ZMYND8: variants seen among roughly 807,000 people sequenced by gnomAD.
The protein encoded by ZMYND8 is MYND-type zinc finger-containing chromatin reader ZMYND8.
Under a neutral mutation model 140.8 loss-of-function variants are expected in ZMYND8, and 37 were observed. That is an observed-to-expected ratio of 0.26 (90% CI 0.20 to 0.35). The LOEUF is 0.35. Among genes scored for constraint, ZMYND8 ranks in the 10% least tolerant of loss-of-function variants. The pLI, the probability that ZMYND8 is intolerant of heterozygous loss-of-function variation, is 1.00. For synonymous variants in ZMYND8, 592 were observed against 597.1 expected (o/e 0.99, Z 0.12); for missense variants, 1,068 against 1,570.0 (o/e 0.68, Z 5.40).
Position 47,249,206 on chromosome 20 carries a change from T to A in ZMYND8, c.1774+81A>T, listed in dbSNP as rs1205604558. On this transcript the variant is annotated intron_variant, in intron 13 of 22. Transcript: ENST00000471951. ...TGCTAAAAGCAGCCAGGATTCAACC[T>A]TGATTTCATCCAGGTGGTATCCCTA... is the stretch of plus-strand genomic sequence containing the variant. 9.9e-6 allele frequency: 15 copies of A among 1,514,928 alleles called. No individual in the cohort carries two copies. The Middle Eastern group carries it at 5.3e-4, about 54-fold the overall frequency. 93.8% of individuals were successfully genotyped at this position (1,514,928 alleles called of 1,614,324 possible).
intron 13 of ZMYND8, among the ~76,000 whole-genome samples, chr20:47,246,896 A>G (rs117770898): frequency 0.02 from 3,080 of 152,308 alleles, 55 homozygotes; most frequent in Non-Finnish European, 0.03. Context: ...ACAGATTAGA[A>G]AACAGAGGCC....
chr20:47,306,614 A>G (rs1258791008), intron 3 of ZMYND8, among the ~76,000 whole-genome samples: 1 of 142,086 alleles, frequency 7.0e-6, no homozygotes, highest in Non-Finnish European at 1.5e-5. Flanking sequence ...TCTGTCGCTC[A>G]GGCTGCAGTG....
chr20:47,229,416 A>G (rs1194327919), intron 17 of ZMYND8, among the ~76,000 whole-genome samples: 1 of 152,166 alleles, frequency 6.6e-6, no homozygotes, highest in Non-Finnish European at 1.5e-5. Context: ...TCCAGAGAAG[A>G]TTCAGGAGCC....
At chr20:47,248,727 AGGAGGGCAGATGG>A (rs371694610) in intron 13 of ZMYND8, among the ~76,000 whole-genome samples, 56 of 152,308 alleles carry the variant, frequency 3.7e-4, no homozygotes, top group African/African-American at 1.3e-3. Context: ...GTACCAAAGG[AGGAGGGCAGATGG>A]GGAGGGCAGT....
At chr20:47,263,173 A>G (rs568889809) in intron 11 of ZMYND8, among the ~76,000 whole-genome samples, 2 of 152,324 alleles carry the variant, frequency 1.3e-5, no homozygotes, top group African/African-American at 4.8e-5. Context: ...CAAGCGTCCT[A>G]AAGATCCTTC....
At chr20:47,304,718 C>T (rs547978167) in intron 3 of ZMYND8, among the ~76,000 whole-genome samples, 1 of 152,308 alleles carries the variant, frequency 6.6e-6, no homozygotes, top group East Asian at 1.9e-4. Context: ...GAAAGAACCA[C>T]CTAGCCCTGG....
At chr20:47,294,120 G>A (rs1013746569) in intron 5 of ZMYND8, among the ~76,000 whole-genome samples, 6 of 152,072 alleles carry the variant, frequency 3.9e-5, no homozygotes, top group Non-Finnish European at 8.8e-5. Flanking sequence ...GGCCGAGGCT[G>A]GAGGATCACT....
At chr20:47,328,691 T>C (rs1190437646) in intron 2 of ZMYND8, among the ~76,000 whole-genome samples, 1 of 152,176 alleles carries the variant, frequency 6.6e-6, no homozygotes, top group African/African-American at 2.4e-5. Flanking sequence ...CTTGAACTCC[T>C]GACCTCAGGT....
At position 47,256,724 on chromosome 20, in the gene ZMYND8, T is replaced by C. The variant is rs572865964; in HGVS notation, c.1621+5564A>G. 1.9e-3 allele frequency among the ~76,000 whole-genome samples: 296 copies of C among 152,162 alleles called. 2 individuals are homozygous for C. Among genetic ancestry groups the C allele is most frequent in the East Asian group, 5.8e-4 (3 of 5,180 alleles). ...GAAAATCAAGACAACATCTGAAAAA[T>C]CTGGGCCCAGGCACTCCATGTATGC... is the stretch of plus-strand genomic sequence containing the variant. On this transcript the variant is annotated intron_variant, in intron 12 of 22. Transcript: ENST00000471951.
chr20:47,287,239 C>A lies in ZMYND8; in HGVS notation c.794G>T (p.Cys265Phe), dbSNP rs770609227. 1 of 1,613,810 alleles carries A rather than the reference C, an allele frequency of 6.2e-7. No individual in the cohort carries two copies. Residue 265 changes from cysteine to phenylalanine, a missense_variant, in exon 8 of 23, where the codon TGT (cysteine) becomes TTT (phenylalanine). Coordinates refer to ENST00000471951, the MANE Select transcript of ZMYND8 (RefSeq NM_001281775.3). ...TQIAKVVIKI[C>F]EHEMNEIEVC... ...GTGGGAAACACATACCTCATGTTCA[C>A]AGATTTTGATGACTACTTTCGCTAT...
At chr20:47,249,031 T>C (rs2073958109) in intron 13 of ZMYND8, among the ~76,000 whole-genome samples, 1 of 152,182 alleles carries the variant, frequency 6.6e-6, no homozygotes, top group South Asian at 2.1e-4. Context: ...ACCTTGATGA[T>C]TCAAACCTGT....
rs764477511 is a variant in ZMYND8, at chr20:47,224,480, C to T, written c.3093G>A (p.Leu1031=). 6.2e-7 allele frequency: 1 copy of T among 1,614,268 alleles called. No homozygotes were observed. The highest frequency in any genetic ancestry group is 8.5e-7 in the Non-Finnish European group (1 of 1,180,058). ...DRLIAEVKKQ[L]ELEKQQAVDE... The stretch of plus-strand genomic sequence containing the variant: ...CCACCGCCTGCTGCTTCTCCAACTC[C>T]AGCTGCTTCTTCACCTCGGCGATGA... Residue 1031 remains leucine (L), a synonymous_variant, in exon 19 of 23, where the codon CTG becomes CTA. Transcript: ENST00000471951.
At chr20:47,283,935 T>C (rs1189510820) in intron 8 of ZMYND8, among the ~76,000 whole-genome samples, 1 of 152,032 alleles carries the variant, frequency 6.6e-6, no homozygotes, top group Admixed American at 6.6e-5. Context: ...ACCATTTTTT[T>C]TTTTTCCTCC....
intron 11 of ZMYND8, among the ~76,000 whole-genome samples, chr20:47,274,309 G>A (rs975929540): frequency 6.6e-6 from 1 of 152,152 alleles, no homozygotes; most frequent in Non-Finnish European, 1.5e-5. Flanking sequence ...AAACACACGA[G>A]CCTATACATT....
chr20:47,316,319 A>G (rs754315687), intron 2 of ZMYND8, among the ~76,000 whole-genome samples: 7 of 149,764 alleles, frequency 4.7e-5, no homozygotes, highest in Non-Finnish European at 1.0e-4. Context: ...CAACAGAACG[A>G]GACTTTGTCT....
chr20:47,221,789 A>G (rs1568899957), intron 19 of ZMYND8, among the ~76,000 whole-genome samples: 1 of 152,132 alleles, frequency 6.6e-6, no homozygotes, highest in Non-Finnish European at 1.5e-5. Context: ...GTCTCAGCCC[A>G]CCAAGTAGCT....
chr20:47,356,049 G>T (rs148531568), intron 1 of ZMYND8, among the ~76,000 whole-genome samples: 1 of 152,112 alleles, frequency 6.6e-6, no homozygotes, highest in East Asian at 1.9e-4. Flanking sequence ...TAGGCCCCAG[G>T]AGCTAGACTC....
chr20:47,350,510 GA>G (rs961285492), intron 1 of ZMYND8, among the ~76,000 whole-genome samples: 3 of 147,762 alleles, frequency 2.0e-5, no homozygotes, highest in Admixed American at 6.8e-5. Flanking sequence ...ATGTTATTAG[GA>G]AAAAAAAATG....
In ZMYND8 at chr20:47,246,236, T is replaced by C; in HGVS notation, c.2056A>G (p.Lys686Glu). Residue 686 changes from lysine (K) to glutamate (E), a missense_variant, in exon 14 of 23, where the codon AAG (lysine) becomes GAG (glutamate). Transcript: ENST00000471951. ...EKADPGAVKD[K>E]ASPEPEKDFS... is the part of the protein sequence containing the mutation. Reference sequence around the variant, plus strand: ...TCCTTCTCAGGCTCAGGGCTGGCCTTGTCCTTGACTGCTCCAGGGTCTGCC... The same window carrying C: ...TCCTTCTCAGGCTCAGGGCTGGCCTCGTCCTTGACTGCTCCAGGGTCTGCC... 2 of 1,614,200 alleles carry C rather than the reference T, an allele frequency of 1.2e-6. No individual in the cohort carries two copies. The highest frequency in any genetic ancestry group is 2.2e-5 in the East Asian group (1 of 44,884).
Sources: allele counts gnomAD v4.1 joint callset (sites outside exome capture counted in the v4.1 genomes callset), GRCh38; gene constraint gnomAD v4.1.1; transcripts MANE v1.5; gene names NCBI Gene and HGNC (gene_info 2026-07-23, HGNC 2026-07-21).